SKAP1: variants seen among roughly 807,000 people sequenced by gnomAD.
SKAP1 encodes the protein src kinase-associated phosphoprotein 1.
Under a neutral mutation model 58.5 loss-of-function variants are expected in SKAP1, and 44 were observed. That is an observed-to-expected ratio of 0.75 (90% CI 0.59 to 0.97). The LOEUF (loss-of-function observed/expected upper bound fraction) is 0.97. Among genes scored for constraint, SKAP1 ranks in the 50% least tolerant of loss-of-function variants. The probability of loss-of-function intolerance (pLI) is 0.00; values close to 1 mark genes in which losing one functional copy is unlikely to be tolerated. For missense variants in SKAP1, 390 were observed against 435.2 expected (o/e 0.90, Z 0.92); for synonymous variants, 127 against 149.7 (o/e 0.85, Z 1.11).
chr17:48,148,818 A>T (rs963360533), intron 11 of SKAP1, among the ~76,000 whole-genome samples: 1 of 151,254 alleles, frequency 6.6e-6, no homozygotes, highest in African/African-American at 2.4e-5. Flanking sequence ...TGCTTCCTTT[A>T]AAAAAAAAGA....
chr17:48,182,908 A>T (rs935076801), intron 7 of SKAP1, among the ~76,000 whole-genome samples: 1 of 152,166 alleles, frequency 6.6e-6, no homozygotes, highest in Non-Finnish European at 1.5e-5. Context: ...TTTTGGCTGG[A>T]TTTTAAAGAA....
At chr17:48,313,897 C>A (rs2066256523) in intron 4 of SKAP1, among the ~76,000 whole-genome samples, 1 of 151,946 alleles carries the variant, frequency 6.6e-6, no homozygotes, top group African/African-American at 2.4e-5. Flanking sequence ...AAGTTTGGTA[C>A]AACAAATCCC....
At chr17:48,178,682 A>G (rs2064324533) in intron 9 of SKAP1, among the ~76,000 whole-genome samples, 1 of 152,230 alleles carries the variant, frequency 6.6e-6, no homozygotes, top group African/African-American at 2.4e-5. Context: ...GGAAAAATTT[A>G]TCACCTGTGA....
intron 1 of SKAP1, among the ~76,000 whole-genome samples, chr17:48,416,296 G>C (rs1176165749): frequency 1.3e-5 from 2 of 151,976 alleles, no homozygotes; most frequent in African/African-American, 4.8e-5. Flanking sequence ...AAACCTAAAA[G>C]ACCAGACATC....
chr17:48,340,331 C>A (rs988038464), intron 4 of SKAP1, among the ~76,000 whole-genome samples: 1 of 151,776 alleles, frequency 6.6e-6, no homozygotes, highest in African/African-American at 2.4e-5. Flanking sequence ...TTTTTAAGTA[C>A]CTAATAATAT....
intron 10 of SKAP1, among the ~76,000 whole-genome samples, chr17:48,167,700 G>C (rs894099061): frequency 6.6e-6 from 1 of 152,132 alleles, no homozygotes; most frequent in Non-Finnish European, 1.5e-5. Flanking sequence ...GTACGGGTGG[G>C]AGGGGTCTGT....
intron 4 of SKAP1, among the ~76,000 whole-genome samples, chr17:48,300,451 T>A (rs1043576945): frequency 6.6e-6 from 1 of 152,172 alleles, no homozygotes; most frequent in African/African-American, 2.4e-5. Flanking sequence ...CCTACTTTTG[T>A]TGTGCTTCTG....
intron 4 of SKAP1, among the ~76,000 whole-genome samples, chr17:48,328,395 T>C (rs1018094814): frequency 6.6e-6 from 1 of 152,152 alleles, no homozygotes; most frequent in African/African-American, 2.4e-5. Flanking sequence ...AGAGGGCCTA[T>C]ATGACTTAAT....
intron 4 of SKAP1, among the ~76,000 whole-genome samples, chr17:48,270,208 G>C (rs897543200): frequency 1.3e-5 from 2 of 152,036 alleles, no homozygotes; most frequent in Non-Finnish European, 2.9e-5. Flanking sequence ...ATAAATAAAA[G>C]TCATCAAAAA....
At chr17:48,372,532 TG>T (rs1299158691) in intron 2 of SKAP1, among the ~76,000 whole-genome samples, 1 of 151,970 alleles carries the variant, frequency 6.6e-6, no homozygotes, top group African/African-American at 2.4e-5. Flanking sequence ...CTCGAACTCC[TG>T]ACCTCAGGTG....
At chr17:48,362,035 T>C (rs753035107) in intron 3 of SKAP1, among the ~76,000 whole-genome samples, 8 of 152,214 alleles carry the variant, frequency 5.3e-5, no homozygotes, top group Non-Finnish European at 8.8e-5. Context: ...TGAGTTTTTC[T>C]ATGTCATCTT....
chr17:48,438,029 A>ACC, the SKAP1 span, among the ~76,000 whole-genome samples: 1 of 151,986 alleles, frequency 6.6e-6, no homozygotes, highest in Non-Finnish European at 1.5e-5. Flanking sequence ...ATCCCATGCC[A>ACC]CCCCTCATAT....
chr17:48,267,139 C>T (rs1720293601), intron 4 of SKAP1, among the ~76,000 whole-genome samples: 1 of 152,176 alleles, frequency 6.6e-6, no homozygotes, highest in African/African-American at 2.4e-5. Flanking sequence ...AATGTTCCTA[C>T]AGCATTTAGG....
the SKAP1 span, among the ~76,000 whole-genome samples, chr17:48,443,778 T>C: frequency 6.6e-6 from 1 of 152,076 alleles, no homozygotes; most frequent in Non-Finnish European, 1.5e-5. Context: ...GCCTGGCCTG[T>C]TGGGTTTTTT....
chr17:48,266,636 G>T (rs1057217908), intron 4 of SKAP1, among the ~76,000 whole-genome samples: 1 of 150,374 alleles, frequency 6.7e-6, no homozygotes, highest in African/African-American at 2.4e-5. Flanking sequence ...TCAGCCTCCC[G>T]AGTAGCTGGG....
chr17:48,158,483 G>A (rs2064018072), intron 11 of SKAP1, among the ~76,000 whole-genome samples: 1 of 141,468 alleles, frequency 7.1e-6, no homozygotes, highest in Non-Finnish European at 1.5e-5. Flanking sequence ...CAGGAGAATG[G>A]CGTGAACCCA....
intron 2 of SKAP1, among the ~76,000 whole-genome samples, chr17:48,384,328 G>A (rs1175367749): frequency 6.6e-6 from 1 of 152,190 alleles, no homozygotes; most frequent in African/African-American, 2.4e-5. Context: ...GACTTCAGGG[G>A]TGAGCAGAAT....
At chr17:48,414,952 A>C (rs183517796) in intron 1 of SKAP1, among the ~76,000 whole-genome samples, 14 of 152,332 alleles carry the variant, frequency 9.2e-5, no homozygotes, top group African/African-American at 2.9e-4. Context: ...CATATTTTTC[A>C]AACTACTAAA....
chr17:48,153,530 G>A (rs1170167430), intron 11 of SKAP1, among the ~76,000 whole-genome samples: 2 of 152,070 alleles, frequency 1.3e-5, no homozygotes, highest in South Asian at 4.1e-4. Context: ...CATCATCTTC[G>A]TCATCACAGC....
Sources: allele counts gnomAD v4.1 joint callset (sites outside exome capture counted in the v4.1 genomes callset), GRCh38; gene constraint gnomAD v4.1.1; transcripts MANE v1.5; gene names NCBI Gene and HGNC (gene_info 2026-07-23, HGNC 2026-07-21).